MEX3D: variants seen among roughly 807,000 people sequenced by gnomAD.
MEX3D encodes mex-3 RNA binding family member D.
Under a neutral mutation model 6.3 loss-of-function variants are expected in MEX3D, and 4 were observed. The observed-to-expected ratio is 0.64, with a 90% CI of 0.31 to 1.46. The LOEUF (loss-of-function observed/expected upper bound fraction) is 1.46. MEX3D is among the 40% of genes most tolerant of loss of function. The pLI, the probability that MEX3D is intolerant of heterozygous loss-of-function variation, is 0.07. For synonymous variants in MEX3D, 626 were observed against 494.1 expected, an observed-to-expected ratio of 1.27 and a Z score of -3.54; for missense variants, 1,038 against 994.4, an observed-to-expected ratio of 1.04 and a Z score of -0.59.
rs1411571508 is a variant in MEX3D at position 1,555,873 on chromosome 19, G to C, written c.1646C>G (p.Pro549Arg). 2.3e-6 allele frequency: 3 copies of C among 1,309,250 alleles called. No individual in the cohort carries two copies. Among genetic ancestry groups the C allele is most frequent in the East Asian group, 3.5e-5 (1 of 28,840 alleles). The allele number at this position is 1,309,250 out of a possible 1,614,324, so 81.1% of individuals were successfully genotyped here. Residue 549 changes from proline to arginine, a missense_variant, in exon 2 of 2, where the codon CCC becomes CGC. Physicochemically the swap from Pro to Arg is moderately radical, Grantham distance 103. Coordinates refer to ENST00000402693, the MANE Select transcript of MEX3D (RefSeq NM_203304.4). ...GGCGGCGCCGCCTGGGAAGGATACG[G>C]GGCCCTGCGGGGGTCGCCAGGACAG... is the stretch of plus-strand genomic sequence containing the variant. ...GALSWRPPQG[P>R]VSFPGGAAFS...
chr19:1,567,447 C>T lies in MEX3D; in HGVS notation c.595+17G>A. 1 of 1,557,580 alleles carries T rather than the reference C, an allele frequency of 6.4e-7. No homozygotes were observed. The highest frequency in any genetic ancestry group is 8.7e-7 in the Non-Finnish European group (1 of 1,154,498). ...CGGGGACCCCCAGGACAGCAACCCC[C>T]GACGAGGGCCACTCACCCTGGCGAC... On this transcript the variant is annotated intron_variant, in intron 1 of 1. Coordinates refer to ENST00000402693, the MANE Select transcript of MEX3D (RefSeq NM_203304.4). This position sits in a 1 kb window ranked among gnomAD's most constrained non-coding sequence, Gnocchi z 6.5.
rs373929936 is a variant in MEX3D, at chr19:1,555,549, T to A, written c.*14A>T. 535 of 1,544,148 alleles carry A rather than the reference T, an allele frequency of 3.5e-4. 1 individual carries two copies. Among genetic ancestry groups the A allele is most frequent in the Non-Finnish European group, 6.5e-5 (74 of 1,145,338 alleles). On this transcript the variant is annotated 3_prime_UTR_variant, in exon 2 of 2. Coordinates refer to ENST00000402693, the MANE Select transcript of MEX3D (RefSeq NM_203304.4). The stretch of plus-strand genomic sequence containing the variant: ...GCCCCCGCAGATGGCCCCGGCCACG[T>A]GGTGGTCCGCGCTCTAGGAAAAGAT...
At position 1,556,695 on chromosome 19, in the gene MEX3D, G is replaced by C; in HGVS notation, c.824C>G (p.Thr275Ser). 4 of 1,610,954 alleles carry C rather than the reference G, an allele frequency of 2.5e-6. No individual in the cohort carries two copies. The highest frequency in any genetic ancestry group is 3.4e-6 in the Non-Finnish European group (4 of 1,178,908). The change falls in exon 2 of 2, where the codon ACC becomes AGC. Residue 275 changes from threonine to serine, a missense_variant. This residue lies in a region of MEX3D where 65 missense variants were observed against 109.3 expected (regional missense o/e 0.59). Transcript: ENST00000402693. The surrounding 1 kb of genome is among the most constrained non-coding windows in gnomAD (Gnocchi z 7.5). ...CCGGTAGGGCACGCGCACCTGGATG[G>C]TGGTCTGTCCGGGAAGGTTGGGCGG... ...QGPPNLPGQT[T>S]IQVRVPYRVV...
rs753824341 is a variant in MEX3D, at chr19:1,556,904, C to T, written c.615G>A (p.Leu205=). ...TGATGTAGGTGTTTGTCTTGGCCCG[C>T]AGGGCCTTGATCTTGCAGCCTGTCC... ...VGRQGCKIKA[L]RAKTNTYIKT... The change falls in exon 2 of 2, where the codon CTG becomes CTA. Residue 205 remains leucine, a synonymous_variant. Transcript: ENST00000402693. This position sits in a 1 kb window ranked among gnomAD's most constrained non-coding sequence, Gnocchi z 7.5. The T allele has an allele frequency of 3.2e-5, 51 of 1,608,082 alleles. No homozygotes were observed. The highest frequency in any genetic ancestry group is 4.2e-5 in the Non-Finnish European group (49 of 1,178,480).
chr19:1,555,442 T>TC lies in MEX3D; in HGVS notation c.*120_*121insG. On this transcript the variant is annotated 3_prime_UTR_variant, in exon 2 of 2. Transcript: ENST00000402693. ...AAACACTGGCCGCCGCCCACCCCCC[T>TC]GCCCCCTCGGCCTCCGCCCCTCGCC... The TC allele has an allele frequency of 1.3e-5, 5 of 372,154 alleles. No homozygotes were observed. Among genetic ancestry groups the TC allele is most frequent in the South Asian group, 1.2e-4 (3 of 24,390 alleles). 23.1% of individuals were successfully genotyped at this position (372,154 alleles called of 1,614,324 possible).
chr19:1,565,348 C>A (rs999771281), intron 1 of MEX3D, among the ~76,000 whole-genome samples: 23 of 152,178 alleles, frequency 1.5e-4, no homozygotes, highest in Non-Finnish European at 3.2e-4. Context: ...TCGAGACCAG[C>A]CTGGACAACA....
intron 1 of MEX3D, among the ~76,000 whole-genome samples, chr19:1,565,656 C>T (rs1914821106): frequency 1.3e-5 from 2 of 152,290 alleles, no homozygotes; most frequent in Middle Eastern, 6.8e-3. Context: ...CGGCGGCCTG[C>T]AGGACAAGCA....
intron 1 of MEX3D, among the ~76,000 whole-genome samples, chr19:1,559,517 C>T (rs1054875735): frequency 6.6e-6 from 1 of 151,996 alleles, no homozygotes; most frequent in Admixed American, 6.6e-5. Context: ...CCTCCTGCCT[C>T]GGCCTCCCAA....
chr19:1,565,064 C>T (rs1914806987), intron 1 of MEX3D, among the ~76,000 whole-genome samples: 1 of 151,964 alleles, frequency 6.6e-6, no homozygotes, highest in African/African-American at 2.4e-5. Context: ...TATGGGGTGG[C>T]CACTGTGTGT....
At chr19:1,564,858 G>A (rs1367041461) in intron 1 of MEX3D, among the ~76,000 whole-genome samples, 1 of 152,158 alleles carries the variant, frequency 6.6e-6, no homozygotes, top group African/African-American at 2.4e-5. Context: ...GGTGAGTAAA[G>A]GGGCAGGGCC....
In MEX3D at chr19:1,559,605, C is replaced by T. The variant is rs547790728; in HGVS notation, c.596-2682G>A. Reference sequence around the variant, plus strand: ...GAGCCACTGCTCACAACCCCTCAGGCTCTGGGGAAGCAGAGGGAGCTGCAG... The same window carrying T: ...GAGCCACTGCTCACAACCCCTCAGGTTCTGGGGAAGCAGAGGGAGCTGCAG... On this transcript the variant is annotated intron_variant, in intron 1 of 1. Transcript: ENST00000402693. 7.0e-4 allele frequency among the ~76,000 whole-genome samples: 106 copies of T among 152,284 alleles called. 1 individual carries two copies. The highest frequency in any genetic ancestry group is 1.3e-3 in the Non-Finnish European group (86 of 68,026).
intron 1 of MEX3D, among the ~76,000 whole-genome samples, chr19:1,564,709 G>A (rs1914797642): frequency 2.6e-5 from 4 of 152,044 alleles, no homozygotes; most frequent in African/African-American, 9.7e-5. Context: ...GAGGGCTGGT[G>A]CCAGGCCTGT....
chr19:1,556,175 G>C lies in MEX3D; in HGVS notation c.1344C>G (p.Pro448=), dbSNP rs1200555809. The C allele has an allele frequency of 1.8e-5, 26 of 1,463,284 alleles. No homozygotes were observed. Among genetic ancestry groups the C allele is most frequent in the Non-Finnish European group, 2.2e-5 (24 of 1,107,806 alleles). 90.6% of individuals were successfully genotyped at this position (1,463,284 alleles called of 1,614,324 possible). ...AGTCGAAGCCGAAGTCGCAGTCGTCGGGGGCGGCCGTCCCCACCGGGGCAC... is the reference window on the plus strand; with the variant it reads ...AGTCGAAGCCGAAGTCGCAGTCGTCCGGGGCGGCCGTCCCCACCGGGGCAC... ...GPGAPVGTAA[P]DDCDFGFDFD... is the part of the protein sequence containing the mutation. The change falls in exon 2 of 2, where the codon CCC becomes CCG. Residue 448 remains proline (P), a synonymous_variant. Coordinates refer to ENST00000402693, the MANE Select transcript of MEX3D (RefSeq NM_203304.4). The surrounding 1 kb of genome is among the most constrained non-coding windows in gnomAD (Gnocchi z 7.5).
Position 1,556,284 on chromosome 19 carries a change from C to A in MEX3D, c.1235G>T (p.Gly412Val). ...GGGGCCTGGGTCCGGCACGGAGGGG[C>A]CGCCGCGGCTGCCCGCGTAGAAGGC... Reference protein sequence around the residue: ...PEAFYAGSRGGPSVPDPGPAS... With the variant: ...PEAFYAGSRGVPSVPDPGPAS... Residue 412 changes from glycine (G) to valine (V), a missense_variant, in exon 2 of 2, where the codon GGC becomes GTC. By Grantham distance (109) the Gly-to-Val change is moderately radical. Around this residue, in one of 5 missense-constraint regions of MEX3D, gnomAD observed 581 missense variants for 516.2 expected, o/e 1.13. Coordinates refer to ENST00000402693, the MANE Select transcript of MEX3D (RefSeq NM_203304.4). The surrounding 1 kb of genome is among the most constrained non-coding windows in gnomAD (Gnocchi z 7.5). 7.8e-7 allele frequency: 1 copy of A among 1,275,928 alleles called. No individual in the cohort carries two copies. The highest frequency in any genetic ancestry group is 9.9e-7 in the Non-Finnish European group (1 of 1,013,402). The allele number at this position is 1,275,928 out of a possible 1,614,324, so 79.0% of individuals were successfully genotyped here.
intron 1 of MEX3D, among the ~76,000 whole-genome samples, chr19:1,557,803 G>A (rs1329007802): frequency 7.5e-6 from 1 of 132,480 alleles, no homozygotes; most frequent in Non-Finnish European, 1.6e-5. Context: ...AGACTGCAGT[G>A]AGCCGAGATC....
intron 1 of MEX3D, among the ~76,000 whole-genome samples, chr19:1,557,207 G>A (rs1411712719): frequency 1.3e-5 from 2 of 152,330 alleles, no homozygotes; most frequent in African/African-American, 4.8e-5. Flanking sequence ...GACGGCTGGG[G>A]TGTGAATGTT....
rs1301031078 is a variant in MEX3D at position 1,567,272 on chromosome 19, G to A, written c.595+192C>T. Among the ~76,000 whole-genome samples, 1 of 151,704 alleles carries A rather than the reference G, an allele frequency of 6.6e-6. No individual in the cohort carries two copies. Among genetic ancestry groups the A allele is most frequent in the Non-Finnish European group, 1.5e-5 (1 of 67,884 alleles). ...CGGAGCGCGCAGGGGAGGAGCGCGG[G>A]CTGCGCCCAACTTTCTCCCGCGGCG... is the stretch of plus-strand genomic sequence containing the variant. On this transcript the variant is annotated intron_variant, in intron 1 of 1. Transcript: ENST00000402693. This position sits in a 1 kb window ranked among gnomAD's most constrained non-coding sequence, Gnocchi z 6.5.
rs1568268656 is a variant in MEX3D, at chr19:1,568,097, G to C, written c.-39C>G. The stretch of plus-strand genomic sequence containing the variant: ...GCTGGGGCCCGCGCTCCTGCCGCCC[G>C]CGCCGCCGCCGCCGCCCGCGCCGCC... On this transcript the variant is annotated 5_prime_UTR_variant, in exon 1 of 2. Transcript: ENST00000402693. 1 of 976,548 alleles carries C rather than the reference G, an allele frequency of 1.0e-6. No homozygotes were observed. The highest frequency in any genetic ancestry group is 1.8e-5 in the African/African-American group (1 of 55,326). The allele number at this position is 976,548 out of a possible 1,614,324, so 60.5% of individuals were successfully genotyped here. A position where few individuals can be genotyped will look rare whatever the true frequency, so the allele number is the denominator to read the frequency against.
chr19:1,567,532 C>G lies in MEX3D; in HGVS notation c.527G>C (p.Ser176Thr). 1 of 1,563,878 alleles carries G rather than the reference C, an allele frequency of 6.4e-7. No individual in the cohort carries two copies. Among genetic ancestry groups the G allele is most frequent in the Non-Finnish European group, 8.6e-7 (1 of 1,157,178 alleles). Reference sequence around the variant, plus strand: ...CGGGACGCACTCGGTCATGTTGACGCTTTTCTTGCGGCTGCCGATCACGCT... The same window carrying G: ...CGGGACGCACTCGGTCATGTTGACGGTTTTCTTGCGGCTGCCGATCACGCT... ...QMSVIGSRKK[S>T]VNMTECVPVP... Residue 176 changes from serine to threonine, a missense_variant, in exon 1 of 2, where the codon AGC becomes ACC. Ser to Thr is a moderately conservative substitution (Grantham distance 58, BLOSUM62 1). Around this residue, in one of 5 missense-constraint regions of MEX3D, gnomAD observed 75 missense variants for 125.1 expected, o/e 0.60. Coordinates refer to ENST00000402693, the MANE Select transcript of MEX3D (RefSeq NM_203304.4). The surrounding 1 kb of genome is among the most constrained non-coding windows in gnomAD (Gnocchi z 6.5).
Sources: allele counts gnomAD v4.1 joint callset (sites outside exome capture counted in the v4.1 genomes callset), GRCh38; gene constraint gnomAD v4.1.1; regional missense constraint gnomAD v4.1.1; non-coding constraint Gnocchi (gnomAD v3.1); transcripts MANE v1.5; gene names NCBI Gene and HGNC (gene_info 2026-07-23, HGNC 2026-07-21).